Variants in MATK observed in about 807,000 individuals in gnomAD.
MATK encodes the protein megakaryocyte-associated tyrosine-protein kinase.
MATK carries 41 observed loss-of-function variants against 59.8 expected under a neutral mutation model. That is an observed-to-expected ratio of 0.69 (90% CI 0.53 to 0.89). The LOEUF (loss-of-function observed/expected upper bound fraction) is 0.89. MATK is among the 40% of genes least tolerant of loss of function. MATK has a pLI of 0.00. For synonymous variants in MATK, 308 were observed against 306.1 expected, an observed-to-expected ratio of 1.01 and a Z score of -0.06; for missense variants, 593 against 719.6, an observed-to-expected ratio of 0.82 and a Z score of 2.01.
chr19:3,788,615 T>C (rs1242489630), upstream of MATK, among the ~76,000 whole-genome samples: 7 of 71,242 alleles, frequency 9.8e-5, no homozygotes, highest in East Asian at 1.4e-3. Flanking sequence ...TGAGACTCTG[T>C]CTCCAAAAAA....
At chr19:3,794,975 CTTTTTTTTTT>C (rs532158792) in intron 1 of MATK, among the ~76,000 whole-genome samples, 1 of 107,916 alleles carries the variant, frequency 9.3e-6, no homozygotes, top group Non-Finnish European at 1.8e-5. Flanking sequence ...TTTTCTTTTG[CTTTTTTTTTT>C]TTTTTTTTTT....
At chr19:3,801,516 T>A (rs2037642868) in intron 1 of MATK, 1 of 152,336 alleles carries the variant, frequency 6.6e-6, no homozygotes, top group Non-Finnish European at 1.5e-5. Flanking sequence ...GCCCGGTACA[T>A]CCCGCCTACA....
At chr19:3,799,393 G>T (rs1157344497) in intron 1 of MATK, among the ~76,000 whole-genome samples, 2 of 152,146 alleles carry the variant, frequency 1.3e-5, no homozygotes, top group Admixed American at 6.5e-5. Context: ...GCTCATCCTT[G>T]GGTGTCCCAA....
In MATK at chr19:3,779,625, C is replaced by T. The variant is rs373102396; in HGVS notation, c.843-8G>A. On this transcript the variant is annotated splice_region_variant and splice_polypyrimidine_tract_variant and intron_variant, in intron 9 of 13. Coordinates refer to ENST00000310132, the MANE Select transcript of MATK (RefSeq NM_139355.3). ...TTCTCGTGTTGCATCTTCCTGGGGG[C>T]GGTGGGGTGGGCGTGAGGGCAGGGC... 32 of 1,610,924 alleles carry T rather than the reference C, an allele frequency of 2.0e-5. 1 individual carries two copies. Among genetic ancestry groups the T allele is most frequent in the Middle Eastern group, 1.7e-4 (1 of 5,924 alleles).
Position 3,779,400 on chromosome 19 carries a change from C to G in MATK, c.979G>C (p.Ala327Pro), listed in dbSNP as rs372838681. 11 of 1,613,284 alleles carry G rather than the reference C, an allele frequency of 6.8e-6. No homozygotes were observed. The highest frequency in any genetic ancestry group is 9.3e-6 in the Non-Finnish European group (11 of 1,180,002). ...TACAGAGAAAACTGCAGGAGCTGAG[C>G]GGTGTTCACGAGGGCTCGACCCCGG... ...RTRGRALVNT[A>P]QLLQFSLHVA... Residue 327 changes from alanine to proline, a missense_variant, in exon 11 of 14, where the codon GCT becomes CCT. Ala to Pro is a conservative substitution (Grantham distance 27, BLOSUM62 -1). Transcript: ENST00000310132.
intron 1 of MATK, among the ~76,000 whole-genome samples, chr19:3,795,578 T>G (rs2037586283): frequency 6.6e-6 from 1 of 151,724 alleles, no homozygotes; most frequent in South Asian, 2.1e-4. Context: ...TCATATGACT[T>G]TTCATATGTC....
In MATK at chr19:3,778,123, C is replaced by T. The variant is rs887865214; in HGVS notation, c.*60G>A. 19 of 1,511,460 alleles carry T rather than the reference C, an allele frequency of 1.3e-5. No individual in the cohort carries two copies. In the African/African-American group the frequency reaches 2.5e-4, roughly 20 times the overall value. The allele number at this position is 1,511,460 out of a possible 1,614,324, so 93.6% of individuals were successfully genotyped here. A position where few individuals can be genotyped will look rare whatever the true frequency, so the allele number is the denominator to read the frequency against. ...GACCCTCCTTGGGCCTGGTCAGTGC[C>T]CCCACGCCGCACTCTCCACTCTCTC... On this transcript the variant is annotated 3_prime_UTR_variant, in exon 14 of 14. Coordinates refer to ENST00000310132, the MANE Select transcript of MATK (RefSeq NM_139355.3).
At position 3,778,215 on chromosome 19, in the gene MATK, C is replaced by T. The variant is rs202048002; in HGVS notation, c.1492G>A (p.Gly498Ser). 9.6e-6 allele frequency: 15 copies of T among 1,568,802 alleles called. No homozygotes were observed. Among genetic ancestry groups the T allele is most frequent in the African/African-American group, 6.9e-5 (5 of 72,570 alleles). Residue 498 changes from glycine (G) to serine (S), a missense_variant, in exon 14 of 14, where the codon GGC (glycine) becomes AGC (serine). Physicochemically the swap from Gly to Ser is moderately conservative, Grantham distance 56 (BLOSUM62 0). Transcript: ENST00000310132. ...PASVSGQDAD[G>S]STSPRSQEP ...TCCTGGCTTCGGGGCGAGGTGGAGC[C>T]GTCGGCGTCCTGCCCTGAGACGGAG...
At position 3,779,036 on chromosome 19, in the gene MATK, G is replaced by A. The variant is rs1198216110; in HGVS notation, c.1153C>T (p.Arg385Trp). ...GGCGCCGTCCACTTGACGGGCAGCCGGCTTGAGTCTAGCCCCTTCCGCTCG... is the reference window on the plus strand; with the variant it reads ...GGCGCCGTCCACTTGACGGGCAGCCAGCTTGAGTCTAGCCCCTTCCGCTCG... Reference protein sequence around the residue: ...KAERKGLDSSRLPVKWTAPEA... With the variant: ...KAERKGLDSSWLPVKWTAPEA... Residue 385 changes from arginine (R) to tryptophan (W), a missense_variant, in exon 12 of 14, where the codon CGG (arginine) becomes TGG (tryptophan). Physicochemically the swap from Arg to Trp is moderately radical, Grantham distance 101. Transcript: ENST00000310132. The A allele has an allele frequency of 2.6e-5, 42 of 1,588,142 alleles. No individual in the cohort carries two copies. The highest frequency in any genetic ancestry group is 1.1e-4 in the Admixed American group (6 of 56,814).
chr19:3,782,483 G>A (rs1201495825), intron 7 of MATK, among the ~76,000 whole-genome samples: 4 of 152,230 alleles, frequency 2.6e-5, no homozygotes, highest in East Asian at 3.8e-4. Context: ...CTACTTAGGG[G>A]CTGGAAAAGC....
chr19:3,781,693 C>G (rs1329959843), intron 7 of MATK, 21 bp from the exon 8 acceptor site: 11 of 1,607,704 alleles, frequency 6.8e-6, no homozygotes, highest in Non-Finnish European at 8.5e-7. Context: ...AAGACCCAGT[C>G]AGAGGGGTAA....
At position 3,784,819 on chromosome 19, in the gene MATK, A is replaced by C; in HGVS notation, c.132+6T>G. On this transcript the variant is annotated splice_donor_region_variant and intron_variant, in intron 3 of 13. Coordinates refer to ENST00000310132, the MANE Select transcript of MATK (RefSeq NM_139355.3). Reference sequence around the variant, plus strand: ...GGAGCAGAGGAAGCAGGCTAGACACACTCACCGTTGGCATCCTGGCTGAGA... The same window carrying C: ...GGAGCAGAGGAAGCAGGCTAGACACCCTCACCGTTGGCATCCTGGCTGAGA... The C allele has an allele frequency of 6.5e-7, 1 of 1,549,274 alleles. No individual in the cohort carries two copies. The highest frequency in any genetic ancestry group is 8.7e-7 in the Non-Finnish European group (1 of 1,145,496).
At chr19:3,784,617 G>C (rs1173187699) in intron 3 of MATK, 166 bp from the exon 4 acceptor site, 1 of 650,800 alleles carries the variant, frequency 1.5e-6, no homozygotes, top group Non-Finnish European at 2.7e-6. Flanking sequence ...AAGGGGGAGT[G>C]GGGTGCTCAG....
intron 4 of MATK, 27 bp from the exon 5 acceptor site, chr19:3,784,266 T>G: frequency 6.3e-7 from 1 of 1,598,616 alleles, no homozygotes; most frequent in South Asian, 1.1e-5. Context: ...ACGGGGTTAG[T>G]GTGGGGGGTG....
At chr19:3,779,964 T>C (rs2037376682) in intron 8 of MATK, among the ~76,000 whole-genome samples, 167 bp from the exon 9 acceptor site, 1 of 152,162 alleles carries the variant, frequency 6.6e-6, no homozygotes, top group African/African-American at 2.4e-5. Flanking sequence ...CTGCCGCCCT[T>C]GCAAGCTCCA....
chr19:3,781,422 C>A (rs963478671), intron 8 of MATK, among the ~76,000 whole-genome samples, 185 bp downstream of exon 8: 4 of 152,156 alleles, frequency 2.6e-5, no homozygotes, highest in Non-Finnish European at 5.9e-5. Flanking sequence ...TTCACTTACT[C>A]CTCATGACAG....
chr19:3,796,392 G>C lies in MATK; in HGVS notation c.-58+5140C>G, dbSNP rs151040844. 5.7e-3 allele frequency among the ~76,000 whole-genome samples: 874 copies of C among 152,122 alleles called. 5 individuals carry two copies. The highest frequency in any genetic ancestry group is 8.7e-3 in the Non-Finnish European group (589 of 68,006). ...TGTCCATTGACTTCCTATTCCAGAA[G>C]GTCAAGATTTAGCTCTCTTAGGCAT... is the stretch of plus-strand genomic sequence containing the variant. On this transcript the variant is annotated intron_variant, in intron 1 of 13. Coordinates refer to the MATK transcript ENST00000395045.
At chr19:3,789,418 A>G, upstream of MATK, 2 of 657,124 alleles carry the variant, frequency 3.0e-6, no homozygotes, top group Non-Finnish European at 5.7e-6. Flanking sequence ...CAAATCAATG[A>G]TATTAGTGTC....
chr19:3,783,239 C>T lies in MATK; in HGVS notation c.583-20G>A, dbSNP rs199909321. 124 of 1,595,930 alleles carry T rather than the reference C, an allele frequency of 7.8e-5. No individual in the cohort carries two copies. In the East Asian group the frequency reaches 2.7e-3, roughly 35 times the overall value. On this transcript the variant is annotated intron_variant, in intron 6 of 13. Coordinates refer to ENST00000310132, the MANE Select transcript of MATK (RefSeq NM_139355.3). ...GTAATGCTGCAGGATGGTGGGACAG[C>T]CATGAGCCCAGCCCCAGGGAGGGGA... is the stretch of plus-strand genomic sequence containing the variant.
Sources: gnomAD v4.1 joint callset for allele counts (sites outside exome capture counted in the v4.1 genomes callset) on GRCh38, gnomAD v4.1.1 for gene constraint, MANE v1.5 for transcripts, NCBI Gene and HGNC (gene_info 2026-07-23, HGNC 2026-07-21) for gene names.